Variants in STK33 observed in about 807,000 individuals in gnomAD.
STK33 encodes serine/threonine-protein kinase 33.
STK33 carries 52 observed loss-of-function variants against 58.0 expected under a neutral mutation model. The observed-to-expected ratio is 0.90, with a 90% CI of 0.72 to 1.13. STK33 has a LOEUF of 1.13. STK33 is among the 50% of genes most tolerant of loss of function. The pLI is 0.00. For missense variants in STK33, 630 were observed against 604.2 expected (o/e 1.04, Z -0.45); for synonymous variants, 215 against 200.1 (o/e 1.07, Z -0.63).
At chr11:8,416,457 CAG>C (rs1941140704) in intron 14 of STK33, among the ~76,000 whole-genome samples, 1 of 152,116 alleles carries the variant, frequency 6.6e-6, no homozygotes, top group South Asian at 2.1e-4. Flanking sequence ...TTATAACCAA[CAG>C]AGAGTTATTA....
intron 1 of STK33, among the ~76,000 whole-genome samples, chr11:8,510,678 A>T (rs1644553565): frequency 6.6e-6 from 1 of 152,138 alleles, no homozygotes; most frequent in African/African-American, 2.4e-5. Flanking sequence ...TGATTTTTGT[A>T]TAAGGTGAGA....
intron 9 of STK33, 103 bp downstream of exon 9, chr11:8,457,238 G>T: frequency 2.0e-6 from 2 of 1,002,542 alleles, no homozygotes; most frequent in Non-Finnish European, 2.7e-6. Context: ...TTCTATATTA[G>T]CAGGTGTTAT....
downstream of STK33, among the ~76,000 whole-genome samples, chr11:8,389,549 C>T (rs139442519): frequency 1.1e-3 from 167 of 152,282 alleles, 2 homozygotes; most frequent in East Asian, 0.026. Context: ...CATTATAGGA[C>T]GCAACTTCCC....
chr11:8,366,706 C>G, the STK33 span, among the ~76,000 whole-genome samples: 1 of 152,358 alleles, frequency 6.6e-6, no homozygotes, highest in East Asian at 1.9e-4. Flanking sequence ...GAGGCCCAGA[C>G]CCCAATCCTG....
intron 7 of STK33, among the ~76,000 whole-genome samples, 200 bp from the exon 8 acceptor site, chr11:8,462,109 T>C (rs114730633): frequency 0.015 from 2,209 of 152,272 alleles, 52 homozygotes; most frequent in African/African-American, 0.05. Flanking sequence ...TGCCCCTTCT[T>C]TCCTTTGTCC....
chr11:8,388,571 T>C (rs1054903757), downstream of STK33, among the ~76,000 whole-genome samples: 6 of 152,202 alleles, frequency 3.9e-5, no homozygotes, highest in African/African-American at 1.4e-4. Context: ...TAAAATGCTT[T>C]TGTAAAGTGA....
the STK33 span, among the ~76,000 whole-genome samples, chr11:8,368,965 A>G: frequency 2.6e-5 from 4 of 152,154 alleles, no homozygotes; most frequent in African/African-American, 9.7e-5. Context: ...CCACCGCAGA[A>G]GCCATCAGCG....
intron 1 of STK33, among the ~76,000 whole-genome samples, chr11:8,515,591 A>C (rs1952704782): frequency 6.6e-6 from 1 of 152,232 alleles, no homozygotes. Context: ...TCAACAAAAC[A>C]CTAGCAAACT....
chr11:8,494,206 C>A (rs1019035863), intron 1 of STK33, among the ~76,000 whole-genome samples: 7 of 152,198 alleles, frequency 4.6e-5, no homozygotes, highest in African/African-American at 1.7e-4. Context: ...ACCCCATCGT[C>A]TCAGCCCAAA....
chr11:8,397,759 T>A (rs570010686), intron 15 of STK33, among the ~76,000 whole-genome samples: 10 of 151,262 alleles, frequency 6.6e-5, no homozygotes, highest in African/African-American at 2.4e-4. Flanking sequence ...TGCACAGAAG[T>A]CGTTAAAGGA....
chr11:8,389,635 C>T (rs1013525166), downstream of STK33, among the ~76,000 whole-genome samples: 13 of 152,254 alleles, frequency 8.5e-5, no homozygotes, highest in Admixed American at 2.0e-4. Context: ...TCCAACAGCG[C>T]GGCTGGAATT....
rs374660732 is a variant in STK33, at chr11:8,474,853, G to A, written c.53C>T (p.Ser18Phe). The A allele has an allele frequency of 9.3e-6, 15 of 1,608,312 alleles. No individual in the cohort carries two copies. Among genetic ancestry groups the A allele is most frequent in the African/African-American group, 1.3e-5 (1 of 74,680 alleles). ...KKSTKCPDCS[S>F]ASQKDVLCVC... ...ACAAAGTACATCTTTCTGAGAAGCA[G>A]ATGAACAGTCGGGGCATTTTGTGGA... Residue 18 changes from serine to phenylalanine, a missense_variant, in exon 5 of 16, where the codon TCT becomes TTT. Ser to Phe is a radical substitution (Grantham distance 155). Coordinates refer to ENST00000687296, the MANE Select transcript of STK33 (RefSeq NM_001352389.2).
At chr11:8,493,985 ACT>A (rs1950851057) in intron 1 of STK33, among the ~76,000 whole-genome samples, 1 of 152,214 alleles carries the variant, frequency 6.6e-6, no homozygotes, top group Non-Finnish European at 1.5e-5. Context: ...ACCCACAGCC[ACT>A]ATCATACTGA....
intron 9 of STK33, among the ~76,000 whole-genome samples, chr11:8,455,216 C>G: frequency 6.6e-6 from 1 of 152,190 alleles, no homozygotes; most frequent in East Asian, 1.9e-4. Context: ...TACTTCTTTA[C>G]TTCTATGCAT....
At chr11:8,453,144 A>T (rs963051814) in intron 10 of STK33, among the ~76,000 whole-genome samples, 3 of 152,238 alleles carry the variant, frequency 2.0e-5, no homozygotes, top group African/African-American at 7.2e-5. Context: ...ACCATGATTT[A>T]ACCATTCTTG....
At chr11:8,438,485 G>A (rs575822194) in intron 12 of STK33, among the ~76,000 whole-genome samples, 39 of 152,268 alleles carry the variant, frequency 2.6e-4, no homozygotes, top group African/African-American at 8.9e-4. Context: ...TAATATGTTT[G>A]TGCTCTTGAT....
chr11:8,543,487 C>G (rs986300684), intron 1 of STK33, among the ~76,000 whole-genome samples: 2 of 151,912 alleles, frequency 1.3e-5, no homozygotes, highest in Non-Finnish European at 2.9e-5. Flanking sequence ...GTGAAATAAA[C>G]CAGGCACAGA....
At chr11:8,404,559 T>C (rs60037611) in intron 15 of STK33, among the ~76,000 whole-genome samples, 16,330 of 152,246 alleles carry the variant, frequency 0.11, 1,002 homozygotes, top group African/African-American at 0.15. Flanking sequence ...TTATTCTGCT[T>C]AACATTTTTA....
chr11:8,341,734 C>A, the STK33 span, among the ~76,000 whole-genome samples: 4 of 152,138 alleles, frequency 2.6e-5, no homozygotes, highest in Non-Finnish European at 5.9e-5. Context: ...AAATGTAACC[C>A]CTCCCCTTCC....
Sources: allele counts gnomAD v4.1 joint callset (sites outside exome capture counted in the v4.1 genomes callset), GRCh38; gene constraint gnomAD v4.1.1; transcripts MANE v1.5; gene names NCBI Gene and HGNC (gene_info 2026-07-23, HGNC 2026-07-21).